The following RUVBL1 variants were observed in gnomAD, a reference collection of about 807,000 sequenced individuals.
The protein encoded by RUVBL1 is ruvB-like 1.
RUVBL1 carries 4 observed loss-of-function variants against 52.4 expected under a neutral mutation model. The observed-to-expected ratio is 0.08, with a 90% CI of 0.04 to 0.17. The LOEUF is 0.17. Among genes scored for constraint, RUVBL1 ranks in the 10% least tolerant of loss-of-function variants. The pLI, the probability that RUVBL1 is intolerant of heterozygous loss-of-function variation, is 1.00. For missense variants in RUVBL1, 298 were observed against 572.8 expected, an observed-to-expected ratio of 0.52 and a Z score of 4.90; for synonymous variants, 217 against 214.4, an observed-to-expected ratio of 1.01 and a Z score of -0.10.
At chr3:128,069,956 C>G (rs926861432) in intron 9 of RUVBL1, 1 of 301,142 alleles carries the variant, frequency 3.3e-6, no homozygotes, top group Admixed American at 4.8e-5. Flanking sequence ...TTAACCTTTG[C>G]ACCTTCTCAG....
chr3:128,139,418 T>C (rs1410309588), intron 1 of RUVBL1, among the ~76,000 whole-genome samples: 3 of 152,110 alleles, frequency 2.0e-5, no homozygotes, highest in Non-Finnish European at 4.4e-5. Context: ...AAAGAAGACA[T>C]ACAAATGGCA....
At chr3:128,106,307 C>T (rs797017107) in intron 3 of RUVBL1, among the ~76,000 whole-genome samples, 12 of 152,282 alleles carry the variant, frequency 7.9e-5, no homozygotes, top group African/African-American at 1.9e-4. Flanking sequence ...CTTTAATAAA[C>T]GTTTGTTCAT....
chr3:128,124,494 A>T (rs542020091), upstream of RUVBL1, among the ~76,000 whole-genome samples: 3 of 152,226 alleles, frequency 2.0e-5, no homozygotes, highest in Non-Finnish European at 4.4e-5. Flanking sequence ...CAAAACCTAT[A>T]TAATAATGCT....
chr3:128,097,727 T>C (rs1434257005), intron 7 of RUVBL1, among the ~76,000 whole-genome samples: 1 of 152,048 alleles, frequency 6.6e-6, no homozygotes, highest in Non-Finnish European at 1.5e-5. Context: ...CCCCAAAAGA[T>C]GAGTTTGGTT....
intron 9 of RUVBL1, among the ~76,000 whole-genome samples, chr3:128,074,842 C>CAAAAAA (rs386397876): frequency 0.032 from 2,307 of 72,664 alleles, 91 homozygotes; most frequent in African/African-American, 0.045. Context: ...AACTCCGTCT[C>CAAAAAA]AAAAAAAAAA....
At chr3:128,151,702 C>T (rs764153638) in intron 1 of RUVBL1, among the ~76,000 whole-genome samples, 2 of 152,166 alleles carry the variant, frequency 1.3e-5, no homozygotes, top group Non-Finnish European at 2.9e-5. Flanking sequence ...ACCTCCCAAA[C>T]GTCCCATCTC....
intron 3 of RUVBL1, among the ~76,000 whole-genome samples, chr3:128,110,161 C>T (rs1278933691): frequency 6.6e-6 from 1 of 152,114 alleles, no homozygotes; most frequent in Non-Finnish European, 1.5e-5. Context: ...TGATGCACAC[C>T]TGCAGTCCTA....
chr3:128,125,354 T>G (rs1943770774), upstream of RUVBL1, among the ~76,000 whole-genome samples: 1 of 152,186 alleles, frequency 6.6e-6, no homozygotes, highest in South Asian at 2.1e-4. Flanking sequence ...AACATTTGAA[T>G]CTAGGTTTCT....
rs540441036 is a variant in RUVBL1, at chr3:128,068,261, T to G, written c.940-3041A>C. 8.1e-4 allele frequency among the ~76,000 whole-genome samples: 124 copies of G among 152,372 alleles called. 9 individuals are homozygous for G. Among genetic ancestry groups the G allele is most frequent in the Non-Finnish European group, 3.7e-4 (25 of 68,036 alleles). On this transcript the variant is annotated intron_variant, in intron 9 of 9. Coordinates refer to the RUVBL1 transcript ENST00000464873. ...CGTAAAAATAAACACTTACAGCCCC[T>G]TTCCTCCAGAGGGAGCCACTGGGTA...
At chr3:128,110,969 G>A (rs1416895586) in intron 3 of RUVBL1, among the ~76,000 whole-genome samples, 3 of 151,870 alleles carry the variant, frequency 2.0e-5, no homozygotes, top group Non-Finnish European at 4.4e-5. Flanking sequence ...GCTCATGCCT[G>A]TAACCCCAGC....
intron 1 of RUVBL1, among the ~76,000 whole-genome samples, chr3:128,149,047 C>T (rs1316347524): frequency 6.6e-6 from 1 of 152,084 alleles, no homozygotes; most frequent in Non-Finnish European, 1.5e-5. Flanking sequence ...CTGCCACACA[C>T]TCTTCTTTTA....
chr3:128,105,873 T>C (rs1240165735), intron 3 of RUVBL1, among the ~76,000 whole-genome samples: 6 of 140,220 alleles, frequency 4.3e-5, no homozygotes, highest in Admixed American at 7.0e-5. Flanking sequence ...TTCTTTTTTT[T>C]TTTTTTTTTT....
intron 9 of RUVBL1, chr3:128,083,568 T>C (rs1365316532): frequency 6.6e-6 from 1 of 152,274 alleles, no homozygotes; most frequent in East Asian, 1.9e-4. Flanking sequence ...CGGTTGGGCT[T>C]GGGGGACAGC....
At chr3:128,132,034 CT>C (rs1160855162) in intron 1 of RUVBL1, among the ~76,000 whole-genome samples, 4 of 152,194 alleles carry the variant, frequency 2.6e-5, no homozygotes, top group Admixed American at 1.3e-4. Context: ...TGCACTACCC[CT>C]CTCTCATCCC....
intron 8 of RUVBL1, among the ~76,000 whole-genome samples, chr3:128,091,130 T>G (rs528839529): frequency 6.6e-6 from 1 of 152,338 alleles, no homozygotes; most frequent in Non-Finnish European, 1.5e-5. Context: ...AGACCAAACA[T>G]TTCTGAGATT....
At chr3:128,127,172 T>C (rs72970114), upstream of RUVBL1, among the ~76,000 whole-genome samples, 1 of 152,244 alleles carries the variant, frequency 6.6e-6, no homozygotes, top group Non-Finnish European at 1.5e-5. Context: ...CAGAAAGAGA[T>C]TCCCGATGAA....
chr3:128,067,137 C>T lies in RUVBL1; in HGVS notation c.940-1917G>A, dbSNP rs1942003982. The T allele has an allele frequency of 6.2e-7, 1 of 1,614,094 alleles. No homozygotes were observed. Among genetic ancestry groups the T allele is most frequent in the African/African-American group, 1.3e-5 (1 of 74,946 alleles). ...CAGTGGCAACTTGCTGGTCAGCCTG[C>T]TGGGCACCTGGTCGGTAAGTAGGCT... On this transcript the variant is annotated intron_variant, in intron 9 of 9. Coordinates refer to the RUVBL1 transcript ENST00000464873. The surrounding 1 kb of genome is among the most constrained non-coding windows in gnomAD (Gnocchi z 4.1).
At chr3:128,123,534 C>T in intron 1 of RUVBL1, 50 bp downstream of exon 1, 1 of 1,494,110 alleles carries the variant, frequency 6.7e-7, no homozygotes, top group South Asian at 1.3e-5. Context: ...AGCTCTCTCG[C>T]CGCAGCAGCC....
intron 8 of RUVBL1, among the ~76,000 whole-genome samples, chr3:128,096,659 T>G (rs552522570): frequency 6.6e-6 from 1 of 152,212 alleles, no homozygotes; most frequent in South Asian, 2.1e-4. Flanking sequence ...ACCCTGTCTC[T>G]ACTAAAAATA....
Sources: gnomAD v4.1 joint callset for allele counts (sites outside exome capture counted in the v4.1 genomes callset) on GRCh38, gnomAD v4.1.1 for gene constraint, Gnocchi (gnomAD v3.1) non-coding constraint, MANE v1.5 for transcripts, NCBI Gene and HGNC (gene_info 2026-07-23, HGNC 2026-07-21) for gene names.